UBE2E2: variants seen among roughly 807,000 people sequenced by gnomAD.
UBE2E2 encodes ubiquitin conjugating enzyme E2 E2.
A neutral mutation model predicts 24.7 loss-of-function variants in UBE2E2; 6 were observed. The observed-to-expected ratio is 0.24, with a 90% CI of 0.13 to 0.48. UBE2E2 has a LOEUF of 0.48. Ranked by LOEUF, UBE2E2 falls within the 20% of genes least tolerant of loss-of-function variation. UBE2E2 has a pLI of 0.99. For missense variants in UBE2E2, 169 were observed against 245.0 expected (o/e 0.69, Z 2.07); for synonymous variants, 104 against 83.6 (o/e 1.24, Z -1.33).
At chr3:23,443,151 CTG>C (rs1698343876) in intron 3 of UBE2E2, among the ~76,000 whole-genome samples, 1 of 152,076 alleles carries the variant, frequency 6.6e-6, no homozygotes. Flanking sequence ...TCTTCCTACT[CTG>C]TCTTTCCCTC....
intron 3 of UBE2E2, among the ~76,000 whole-genome samples, chr3:23,496,941 C>T (rs147008551): frequency 3.9e-4 from 59 of 152,212 alleles, no homozygotes; most frequent in African/African-American, 1.3e-3. Context: ...AGAAGCCTTA[C>T]TCATAACATA....
At chr3:23,306,675 C>T (rs1170893219) in intron 3 of UBE2E2, among the ~76,000 whole-genome samples, 2 of 152,154 alleles carry the variant, frequency 1.3e-5, no homozygotes, top group African/African-American at 4.8e-5. Context: ...TTCACTCCTC[C>T]TGGTTGGCTT....
At chr3:23,586,924 T>C (rs942264514) in intron 5 of UBE2E2, among the ~76,000 whole-genome samples, 1 of 151,334 alleles carries the variant, frequency 6.6e-6, no homozygotes, top group Non-Finnish European at 1.5e-5. Context: ...TTTTTTTACA[T>C]CATGTGATTA....
At chr3:23,307,030 C>T (rs889963174) in intron 3 of UBE2E2, among the ~76,000 whole-genome samples, 1 of 151,980 alleles carries the variant, frequency 6.6e-6, no homozygotes, top group Non-Finnish European at 1.5e-5. Context: ...CTTTATAATA[C>T]AAAAAAGCAA....
At chr3:23,531,047 G>T (rs1041170603) in intron 4 of UBE2E2, among the ~76,000 whole-genome samples, 1 of 152,156 alleles carries the variant, frequency 6.6e-6, no homozygotes, top group African/African-American at 2.4e-5. Flanking sequence ...AGGTGTCATG[G>T]ATTATCTGGT....
intron 3 of UBE2E2, among the ~76,000 whole-genome samples, chr3:23,373,710 A>G (rs1696451433): frequency 6.6e-6 from 1 of 152,102 alleles, no homozygotes; most frequent in African/African-American, 2.4e-5. Context: ...CTAGGGTGAC[A>G]TACATCCTGG....
At chr3:23,567,214 C>A (rs1231591126) in intron 5 of UBE2E2, among the ~76,000 whole-genome samples, 2 of 152,150 alleles carry the variant, frequency 1.3e-5, no homozygotes, top group African/African-American at 4.8e-5. Context: ...TTTGTTTGGT[C>A]ATGATTTTTT....
intron 3 of UBE2E2, among the ~76,000 whole-genome samples, chr3:23,345,492 T>C (rs1441386907): frequency 2.6e-5 from 4 of 152,202 alleles, no homozygotes; most frequent in Non-Finnish European, 4.4e-5. Context: ...AGAGCTTTGA[T>C]TGCAATAATT....
intron 3 of UBE2E2, among the ~76,000 whole-genome samples, chr3:23,291,659 T>A (rs1282729017): frequency 3.3e-5 from 5 of 150,954 alleles, no homozygotes; most frequent in Non-Finnish European, 5.9e-5. Flanking sequence ...TTTTTGTATT[T>A]ATTAATTCAT....
intron 3 of UBE2E2, among the ~76,000 whole-genome samples, chr3:23,279,328 T>G (rs1698437628): frequency 6.6e-6 from 1 of 152,164 alleles, no homozygotes; most frequent in African/African-American, 2.4e-5. Context: ...TCTGCAGTTT[T>G]GGGAAACCTA....
At chr3:23,394,138 G>A (rs138337783) in intron 3 of UBE2E2, among the ~76,000 whole-genome samples, 30 of 152,330 alleles carry the variant, frequency 2.0e-4, no homozygotes, top group African/African-American at 7.2e-4. Flanking sequence ...TTGGAAAGAT[G>A]CGTGCAAACA....
chr3:23,514,163 G>A (rs992619645), intron 4 of UBE2E2, among the ~76,000 whole-genome samples: 1 of 152,202 alleles, frequency 6.6e-6, no homozygotes, highest in Non-Finnish European at 1.5e-5. Flanking sequence ...GTTTGATCCA[G>A]TTCTTCATGT....
At chr3:23,275,151 T>A (rs1451465318) in intron 3 of UBE2E2, among the ~76,000 whole-genome samples, 1 of 152,198 alleles carries the variant, frequency 6.6e-6, no homozygotes. Context: ...ACAATTACTG[T>A]CAGTTAATTT....
In UBE2E2 at chr3:23,590,123, A is replaced by T; in HGVS notation, c.*292A>T. 1 of 318,604 alleles carries T rather than the reference A, an allele frequency of 3.1e-6. No individual in the cohort carries two copies. Among genetic ancestry groups the T allele is most frequent in the Admixed American group, 4.5e-5 (1 of 22,082 alleles). 19.7% of individuals were successfully genotyped at this position (318,604 alleles called of 1,614,324 possible). A position where few individuals can be genotyped will look rare whatever the true frequency, so the allele number is the denominator to read the frequency against. ...AGATGGGAACTTTTGTTTTCAGTGC[A>T]AACAATGTTGGAGCTGTAATAGTAA... On this transcript the variant is annotated 3_prime_UTR_variant, in exon 6 of 6. Coordinates refer to ENST00000396703, the MANE Select transcript of UBE2E2 (RefSeq NM_152653.4).
intron 3 of UBE2E2, among the ~76,000 whole-genome samples, chr3:23,473,932 G>A (rs543458448): frequency 6.6e-6 from 1 of 152,122 alleles, no homozygotes; most frequent in East Asian, 1.9e-4. Context: ...TAGCGGGATT[G>A]CTGGATCAAA....
intron 3 of UBE2E2, among the ~76,000 whole-genome samples, chr3:23,380,276 G>C (rs1420540772): frequency 6.6e-6 from 1 of 152,190 alleles, no homozygotes; most frequent in African/African-American, 2.4e-5. Flanking sequence ...CAGGAGGGCA[G>C]TGGTGCAGTC....
At chr3:23,455,262 G>A (rs548338699) in intron 3 of UBE2E2, among the ~76,000 whole-genome samples, 9 of 152,202 alleles carry the variant, frequency 5.9e-5, no homozygotes, top group South Asian at 4.2e-4. Context: ...CTGCAGGTTC[G>A]GCTCGAGACC....
intron 3 of UBE2E2, among the ~76,000 whole-genome samples, chr3:23,314,429 C>T (rs1326779084): frequency 2.4e-5 from 3 of 124,556 alleles, no homozygotes; most frequent in Non-Finnish European, 5.1e-5. Context: ...TGTGGCCCGC[C>T]ATAGTTATTA....
At chr3:23,316,693 T>G (rs1030801741) in intron 3 of UBE2E2, among the ~76,000 whole-genome samples, 32 of 151,828 alleles carry the variant, frequency 2.1e-4, no homozygotes, top group African/African-American at 7.5e-4. Context: ...CCACCACAGC[T>G]GGGAATGTTC....
Sources: allele counts gnomAD v4.1 joint callset (sites outside exome capture counted in the v4.1 genomes callset), GRCh38; gene constraint gnomAD v4.1.1; transcripts MANE v1.5; gene names NCBI Gene and HGNC (gene_info 2026-07-23, HGNC 2026-07-21).